Variants in LAIR1 observed in about 807,000 individuals in gnomAD.
LAIR1 encodes leukocyte-associated immunoglobulin-like receptor 1.
LAIR1 carries 24 observed loss-of-function variants against 32.8 expected under a neutral mutation model. That is an observed-to-expected ratio of 0.73 (90% CI 0.53 to 1.03). The LOEUF is 1.03. Ranked by LOEUF, LAIR1 falls within the 50% of genes least tolerant of loss-of-function variation. The probability of loss-of-function intolerance (pLI) is 0.00; values close to 1 mark genes in which losing one functional copy is unlikely to be tolerated. For synonymous variants in LAIR1, 150 were observed against 140.5 expected (o/e 1.07, Z -0.48); for missense variants, 355 against 347.5 (o/e 1.02, Z -0.17).
At chr19:54,373,265 A>AC (rs1428254483), upstream of LAIR1, among the ~76,000 whole-genome samples, 2 of 150,544 alleles carry the variant, frequency 1.3e-5, no homozygotes, top group Non-Finnish European at 2.9e-5. Context: ...ACACGGTGAA[A>AC]CCCCATCTCT....
exon 1 of LAIR1, chr19:54,370,323 A>G (rs1231062244): frequency 3.9e-6 from 6 of 1,531,014 alleles, no homozygotes; most frequent in Non-Finnish European, 5.3e-6. Flanking sequence ...CAGGACGATG[A>G]TCATCTTCAT....
Position 54,354,300 on chromosome 19 carries a change from C to T in LAIR1, c.*968G>A, listed in dbSNP as rs1371472363. On this transcript the variant is annotated 3_prime_UTR_variant, in exon 10 of 10. Transcript: ENST00000391742. ...CTGTGCATGTATGTGCAGATGTGGA[C>T]CTGTAGGGTCGGCTCTCTGCCTTCA... The T allele has an allele frequency of 1.3e-5, 2 of 152,106 alleles. No individual in the cohort carries two copies. Among genetic ancestry groups the T allele is most frequent in the Admixed American group, 6.5e-5 (1 of 15,270 alleles). 9.4% of individuals were successfully genotyped at this position (152,106 alleles called of 1,614,324 possible).
At chr19:54,356,308 C>A (rs369422606) in intron 7 of LAIR1, 41 bp from the exon 8 acceptor site, 10 of 1,606,706 alleles carry the variant, frequency 6.2e-6, no homozygotes, top group East Asian at 2.2e-5. Flanking sequence ...GGCAGCCTGG[C>A]GGCCGAGGAC....
intron 3 of LAIR1, 21 bp downstream of exon 3, chr19:54,360,895 G>T: frequency 6.2e-7 from 1 of 1,601,442 alleles, no homozygotes; most frequent in Non-Finnish European, 8.5e-7. Context: ...GACTGGGGCA[G>T]GGCCCAGGTG....
chr19:54,364,276 G>C lies in LAIR1; in HGVS notation c.70+19C>G. The C allele has an allele frequency of 6.2e-7, 1 of 1,609,368 alleles. No homozygotes were observed. Among genetic ancestry groups the C allele is most frequent in the Non-Finnish European group, 8.5e-7 (1 of 1,176,104 alleles). ...GGTGACAGAGGGGACTGGGAAGATGGGACGAAGGCATGACTTACCCTCCTG... is the reference window on the plus strand; with the variant it reads ...GGTGACAGAGGGGACTGGGAAGATGCGACGAAGGCATGACTTACCCTCCTG... On this transcript the variant is annotated intron_variant, in intron 2 of 9. Transcript: ENST00000391742. This position sits in a 1 kb window ranked among gnomAD's most constrained non-coding sequence, Gnocchi z 4.8.
upstream of LAIR1, among the ~76,000 whole-genome samples, chr19:54,367,851 C>T (rs1309399883): frequency 6.8e-6 from 1 of 146,510 alleles, no homozygotes. Flanking sequence ...CGGCTCACTG[C>T]AAGCTCCGCT....
At chr19:54,372,531 C>T (rs2082433325), upstream of LAIR1, among the ~76,000 whole-genome samples, 1 of 145,810 alleles carries the variant, frequency 6.9e-6, no homozygotes, top group Admixed American at 6.9e-5. Flanking sequence ...CACTCTGTCA[C>T]CCAGGCTGGA....
In LAIR1 at chr19:54,364,218, A is replaced by G; in HGVS notation, c.70+77T>C. The G allele has an allele frequency of 1.3e-6, 2 of 1,492,512 alleles. No homozygotes were observed. The highest frequency in any genetic ancestry group is 2.3e-5 in the East Asian group (1 of 44,104). 92.5% of individuals were successfully genotyped at this position (1,492,512 alleles called of 1,614,324 possible). On this transcript the variant is annotated intron_variant, in intron 2 of 9. Coordinates refer to ENST00000391742, the MANE Select transcript of LAIR1 (RefSeq NM_002287.6). This position sits in a 1 kb window ranked among gnomAD's most constrained non-coding sequence, Gnocchi z 4.8. ...AGGGATCTCTCCAGGCCCTCTAAGAATCAACATCACTCCCACCCAGCACTG... is the reference window on the plus strand; with the variant it reads ...AGGGATCTCTCCAGGCCCTCTAAGAGTCAACATCACTCCCACCCAGCACTG...
At position 54,364,785 on chromosome 19, in the gene LAIR1, G is replaced by A; in HGVS notation, c.20C>T (p.Ala7Val). MSPHPT[A>V]LLGLVLCLAQ... ...CCAGGACTCACCTAGGCCCAGGAGG[G>A]CGGTGGGGTGGGGAGACATGGCCCA... is the stretch of plus-strand genomic sequence containing the variant. Residue 7 changes from alanine to valine, a missense_variant, in exon 1 of 10, where the codon GCC becomes GTC. Coordinates refer to ENST00000391742, the MANE Select transcript of LAIR1 (RefSeq NM_002287.6). This position sits in a 1 kb window ranked among gnomAD's most constrained non-coding sequence, Gnocchi z 4.8. 1 of 1,614,030 alleles carries A rather than the reference G, an allele frequency of 6.2e-7. No homozygotes were observed. The highest frequency in any genetic ancestry group is 1.1e-5 in the South Asian group (1 of 91,078).
At chr19:54,365,894 T>C (rs11670296), upstream of LAIR1, among the ~76,000 whole-genome samples, 1 of 149,456 alleles carries the variant, frequency 6.7e-6, no homozygotes, top group African/African-American at 2.5e-5. Context: ...ATTGATAGAA[T>C]AATTGATATA....
At chr19:54,361,747 C>G (rs988771037) in intron 2 of LAIR1, among the ~76,000 whole-genome samples, 15 of 150,892 alleles carry the variant, frequency 9.9e-5, no homozygotes, top group Non-Finnish European at 1.9e-4. Flanking sequence ...GATCTGCTCA[C>G]AGCAGATGCC....
At chr19:54,371,039 T>C (rs1291614293), upstream of LAIR1, among the ~76,000 whole-genome samples, 1 of 150,688 alleles carries the variant, frequency 6.6e-6, no homozygotes, top group Non-Finnish European at 1.5e-5. Context: ...CAAAGGCCAA[T>C]TTAAAGAAAT....
the LAIR1 span, among the ~76,000 whole-genome samples, chr19:54,375,725 T>C: frequency 6.6e-6 from 1 of 151,892 alleles, no homozygotes; most frequent in African/African-American, 2.4e-5. Context: ...GTCAACTTCC[T>C]TTTTGTGTGA....
In LAIR1 at chr19:54,355,306, C is replaced by T; in HGVS notation, c.826G>A (p.Ala276Thr). The T allele has an allele frequency of 1.9e-6, 3 of 1,612,704 alleles. No homozygotes were observed. Among genetic ancestry groups the T allele is most frequent in the Non-Finnish European group, 2.5e-6 (3 of 1,179,278 alleles). ...AVSPQSTKPMAESITYAAVAR... is the reference protein window; with the variant it reads ...AVSPQSTKPMTESITYAAVAR... Reference sequence around the variant, plus strand: ...ACGGCTGCATACGTGATGGACTCGGCCATGGGCTTTGTGGACTGTGGGGAC... The same window carrying T: ...ACGGCTGCATACGTGATGGACTCGGTCATGGGCTTTGTGGACTGTGGGGAC... Residue 276 changes from alanine (A) to threonine (T), a missense_variant, in exon 10 of 10, where the codon GCC (alanine) becomes ACC (threonine). Ala to Thr is a moderately conservative substitution (Grantham distance 58). Transcript: ENST00000391742. This position sits in a 1 kb window ranked among gnomAD's most constrained non-coding sequence, Gnocchi z 4.7.
At position 54,360,694 on chromosome 19, in the gene LAIR1, C is replaced by T. The variant is rs138143152; in HGVS notation, c.364+222G>A. 1,543 of 573,386 alleles carry T rather than the reference C, an allele frequency of 2.7e-3. 16 individuals carry two copies. Among genetic ancestry groups the T allele is most frequent in the African/African-American group, 0.021 (1,112 of 53,740 alleles). The allele number at this position is 573,386 out of a possible 1,614,324, so 35.5% of individuals were successfully genotyped here. ...ACCAGATGCTGGAGCTGAGTGTCCA[C>T]GCCATCCGTGGCGTCCAGAGGAGAC... On this transcript the variant is annotated intron_variant, in intron 3 of 9. Coordinates refer to ENST00000391742, the MANE Select transcript of LAIR1 (RefSeq NM_002287.6).
Position 54,353,276 on chromosome 19 carries a change from A to T in LAIR1, c.*1992T>A, listed in dbSNP as rs1001692388. 1 of 152,286 alleles carries T rather than the reference A, an allele frequency of 6.6e-6. No individual in the cohort carries two copies. The highest frequency in any genetic ancestry group is 2.4e-5 in the African/African-American group (1 of 41,446). 9.4% of individuals were successfully genotyped at this position (152,286 alleles called of 1,614,324 possible). On this transcript the variant is annotated 3_prime_UTR_variant, in exon 10 of 10. Coordinates refer to ENST00000391742, the MANE Select transcript of LAIR1 (RefSeq NM_002287.6). ...AGGGAGAATGTGTCCCACGTGAAGA[A>T]CAGGGAAAATCGGTCACAATGTTCA...
At position 54,370,393 on chromosome 19, in the gene LAIR1, G is replaced by A. The variant is rs547917821; in HGVS notation, c.-116C>T. Reference sequence around the variant, plus strand: ...TATTAGCCTTGGCAGCCTGGCCTGGGCTCCGATGGTGGATGAACTTGGCTT... The same window carrying A: ...TATTAGCCTTGGCAGCCTGGCCTGGACTCCGATGGTGGATGAACTTGGCTT... On this transcript the variant is annotated 5_prime_UTR_variant, in exon 1 of 9. Coordinates refer to the LAIR1 transcript ENST00000391743. 7.1e-5 allele frequency: 54 copies of A among 761,428 alleles called. No homozygotes were observed. In the Middle Eastern group the frequency reaches 0.011, roughly 150 times the overall value. 47.2% of individuals were successfully genotyped at this position (761,428 alleles called of 1,614,324 possible). A position where few individuals can be genotyped will look rare whatever the true frequency, so the allele number is the denominator to read the frequency against.
chr19:54,357,338 C>G (rs1377004475), intron 4 of LAIR1: 1 of 197,802 alleles, frequency 5.1e-6, no homozygotes, highest in African/African-American at 2.3e-5. Context: ...CTAATTTCTG[C>G]CCTCTGCGGA....
rs779397652 is a variant in LAIR1, at chr19:54,356,023, A to G, written c.665-17T>C. ...TGGCCTTGTCTTGGGGAGAAAATAC[A>G]TGGTCAGTTTTCTGGGGAGGATGTC... On this transcript the variant is annotated splice_polypyrimidine_tract_variant and intron_variant, in intron 8 of 9. Transcript: ENST00000391742. The G allele has an allele frequency of 1.3e-5, 21 of 1,600,832 alleles. No individual in the cohort carries two copies. In the African/African-American group the frequency reaches 1.5e-4, roughly 11 times the overall value.
Sources: gnomAD v4.1 joint callset for allele counts (sites outside exome capture counted in the v4.1 genomes callset) on GRCh38, gnomAD v4.1.1 for gene constraint, Gnocchi (gnomAD v3.1) non-coding constraint, MANE v1.5 for transcripts, NCBI Gene and HGNC (gene_info 2026-07-23, HGNC 2026-07-21) for gene names.